Variants in MAP3K3 observed in about 807,000 individuals in gnomAD.
MAP3K3 encodes MAP/ERK kinase kinase 3.
A neutral mutation model predicts 80.9 loss-of-function variants in MAP3K3; 12 were observed. The observed-to-expected ratio is 0.15, with a 90% CI of 0.10 to 0.24. The LOEUF is 0.24. Ranked by LOEUF, MAP3K3 falls within the 10% of genes least tolerant of loss-of-function variation. The pLI, the probability that MAP3K3 is intolerant of heterozygous loss-of-function variation, is 1.00. For synonymous variants in MAP3K3, 272 were observed against 307.1 expected, an observed-to-expected ratio of 0.89 and a Z score of 1.19; for missense variants, 596 against 834.7, an observed-to-expected ratio of 0.71 and a Z score of 3.52.
At chr17:63,647,443 G>A (rs542418281) in intron 3 of MAP3K3, among the ~76,000 whole-genome samples, 1 of 150,848 alleles carries the variant, frequency 6.6e-6, no homozygotes, top group African/African-American at 2.4e-5. Flanking sequence ...CAATTACGCA[G>A]TTAGGCTCTC....
chr17:63,624,911 TTCACACACAG>T lies in MAP3K3; in HGVS notation c.4+2151_4+2160del, dbSNP rs150723921. ...TTGAGGATATGTATACACAGATACA[TTCACACACAG>T]TCTCTCTCTTAAATACTAGTTTCCA... On this transcript the variant is annotated intron_variant, in intron 1 of 15. Coordinates refer to ENST00000361733, the MANE Select transcript of MAP3K3 (RefSeq NM_002401.5). Among the ~76,000 whole-genome samples, 1,290 of 152,340 alleles carry T rather than the reference TTCACACACAG, an allele frequency of 8.5e-3. 21 individuals carry two copies. Among genetic ancestry groups the T allele is most frequent in the African/African-American group, 0.029 (1,215 of 41,572 alleles).
In MAP3K3 at chr17:63,695,748, C is replaced by T. The variant is rs773527166; in HGVS notation, c.*1971C>T. ...CCAGGTTCAGGGTCTTACAGAGCTC[C>T]ACCCCCTGGGGTCTTACCTCACTGG... On this transcript the variant is annotated 3_prime_UTR_variant, in exon 16 of 16. Coordinates refer to ENST00000361733, the MANE Select transcript of MAP3K3 (RefSeq NM_002401.5). The surrounding 1 kb of genome is among the most constrained non-coding windows in gnomAD (Gnocchi z 4.1). The T allele has an allele frequency of 6.6e-6, 1 of 152,616 alleles. No homozygotes were observed. 9.5% of individuals were successfully genotyped at this position (152,616 alleles called of 1,614,324 possible).
chr17:63,629,208 C>T (rs1310105157), intron 1 of MAP3K3, among the ~76,000 whole-genome samples: 1 of 152,058 alleles, frequency 6.6e-6, no homozygotes, highest in Non-Finnish European at 1.5e-5. Context: ...CACCAACCTC[C>T]GCCTCCTGTG....
At chr17:63,643,017 CAAAGTGTT>C (rs1294546615) in intron 2 of MAP3K3, among the ~76,000 whole-genome samples, 1 of 150,104 alleles carries the variant, frequency 6.7e-6, no homozygotes, top group Non-Finnish European at 1.5e-5. Context: ...CTCGGCTTCC[CAAAGTGTT>C]GGGGTTAGAA....
At chr17:63,624,070 C>A (rs1244348391) in intron 1 of MAP3K3, among the ~76,000 whole-genome samples, 1 of 152,178 alleles carries the variant, frequency 6.6e-6, no homozygotes, top group East Asian at 1.9e-4. Context: ...GTTTCCTTCT[C>A]ATGCTTTCCT....
intron 4 of MAP3K3, among the ~76,000 whole-genome samples, 197 bp from the exon 5 acceptor site, chr17:63,657,597 A>G (rs2034797465): frequency 6.6e-6 from 1 of 152,152 alleles, no homozygotes; most frequent in Non-Finnish European, 1.5e-5. Context: ...TAAAGGTACT[A>G]CAAATTTTTG....
chr17:63,648,621 C>G (rs775880039), intron 3 of MAP3K3, among the ~76,000 whole-genome samples: 1 of 151,820 alleles, frequency 6.6e-6, no homozygotes, highest in Non-Finnish European at 1.5e-5. Context: ...GTCAGGAGTT[C>G]GAGACCAATA....
In MAP3K3 at chr17:63,691,007, C is replaced by T. The variant is rs781759438; in HGVS notation, c.1213-95C>T. On this transcript the variant is annotated intron_variant, in intron 12 of 15. Transcript: ENST00000361733. This position sits in a 1 kb window ranked among gnomAD's most constrained non-coding sequence, Gnocchi z 4.8. ...TCCAACTGCAGTTCCCAAGGCAGAT[C>T]CCTGTGAGGCCACTAACTAGGGCAA... 1.4e-5 allele frequency: 21 copies of T among 1,471,486 alleles called. No individual in the cohort carries two copies. The highest frequency in any genetic ancestry group is 1.9e-5 in the Non-Finnish European group (20 of 1,068,670). The allele number at this position is 1,471,486 out of a possible 1,614,324, so 91.2% of individuals were successfully genotyped here.
intron 7 of MAP3K3, among the ~76,000 whole-genome samples, chr17:63,684,969 ATATTT>A (rs1349464729): frequency 1.3e-5 from 2 of 152,186 alleles, no homozygotes; most frequent in Non-Finnish European, 2.9e-5. Flanking sequence ...ATATTTTATT[ATATTT>A]AGATATCTAT....
Position 63,692,172 on chromosome 17 carries a change from CG to C in MAP3K3, c.1475-65del. On this transcript the variant is annotated intron_variant, in intron 14 of 15. Transcript: ENST00000361733. The surrounding 1 kb of genome is among the most constrained non-coding windows in gnomAD (Gnocchi z 4.5). ...CCCTCTCCAGCAGCTCTCAGTGACC[CG>C]GGGGTGGGGAGGATGGGAGAAAATG... The C allele has an allele frequency of 6.4e-7, 1 of 1,570,048 alleles. No individual in the cohort carries two copies.
chr17:63,645,948 A>C, intron 2 of MAP3K3, 86 bp from the exon 3 acceptor site: 1 of 1,039,692 alleles, frequency 9.6e-7, no homozygotes, highest in Non-Finnish European at 1.5e-6. Flanking sequence ...TAATGTTGCT[A>C]ACGAACTGCC....
At chr17:63,668,613 A>G (rs547985652) in intron 6 of MAP3K3, among the ~76,000 whole-genome samples, 20 of 152,296 alleles carry the variant, frequency 1.3e-4, no homozygotes, top group Non-Finnish European at 2.1e-4. Context: ...CTTGCCCCCA[A>G]GCAAGAGCCT....
At position 63,657,276 on chromosome 17, in the gene MAP3K3, CTTCTCAGAAAGTATCT is replaced by C. The variant is rs1464190825; in HGVS notation, c.268-517_268-502del. Among the ~76,000 whole-genome samples the C allele has an allele frequency of 2.0e-5, 3 of 152,180 alleles. No homozygotes were observed. In the East Asian group the frequency reaches 5.8e-4, roughly 29 times the overall value. On this transcript the variant is annotated intron_variant, in intron 4 of 15. Transcript: ENST00000361733. ...AATTAGTGTTTTTGGAGAGGCAGCTCTTCTCAGAAAGTATCTCACAACTGGGTACTGAGGTATGCTA... is the reference window on the plus strand; with the variant it reads ...AATTAGTGTTTTTGGAGAGGCAGCTCCACAACTGGGTACTGAGGTATGCTA...
chr17:63,634,533 C>T (rs989288714), intron 2 of MAP3K3, among the ~76,000 whole-genome samples: 2 of 152,072 alleles, frequency 1.3e-5, no homozygotes, highest in Non-Finnish European at 1.5e-5. Flanking sequence ...CCTGCTGCTG[C>T]GCTGGTAGAG....
At chr17:63,643,601 A>G (rs1433551697) in intron 2 of MAP3K3, among the ~76,000 whole-genome samples, 2 of 152,178 alleles carry the variant, frequency 1.3e-5, no homozygotes, top group Admixed American at 6.5e-5. Flanking sequence ...TTTTCTGTAA[A>G]TGTAAAACTC....
intron 1 of MAP3K3, among the ~76,000 whole-genome samples, chr17:63,625,776 A>C (rs2034087863): frequency 6.6e-6 from 1 of 152,218 alleles, no homozygotes; most frequent in Non-Finnish European, 1.5e-5. Flanking sequence ...GTTGGATTTT[A>C]AAACTGAATT....
At chr17:63,626,978 G>A (rs1477333223) in intron 1 of MAP3K3, among the ~76,000 whole-genome samples, 1 of 152,188 alleles carries the variant, frequency 6.6e-6, no homozygotes, top group Non-Finnish European at 1.5e-5. Context: ...AGAGAATGTG[G>A]TGCTTCTGGC....
chr17:63,659,571 C>T (rs1274898726), intron 5 of MAP3K3, among the ~76,000 whole-genome samples: 6 of 123,974 alleles, frequency 4.8e-5, no homozygotes, highest in South Asian at 2.5e-4. Flanking sequence ...CTCACTCTGT[C>T]GCCCAGGCCG....
intron 5 of MAP3K3, among the ~76,000 whole-genome samples, chr17:63,665,380 T>G: frequency 6.6e-6 from 1 of 152,046 alleles, no homozygotes. Context: ...CTAGCCAGGA[T>G]GGTCTTGATC....
Sources: allele counts gnomAD v4.1 joint callset (sites outside exome capture counted in the v4.1 genomes callset), GRCh38; gene constraint gnomAD v4.1.1; non-coding constraint Gnocchi (gnomAD v3.1); transcripts MANE v1.5; gene names NCBI Gene and HGNC (gene_info 2026-07-23, HGNC 2026-07-21).